CHD7: variants seen among roughly 807,000 people sequenced by gnomAD.
The protein encoded by CHD7 is chromodomain helicase DNA binding protein 7, also known as ATP-dependent chromatin remodeler CHD7.
A neutral mutation model predicts 307.3 loss-of-function variants in CHD7; 24 were observed. The ratio of observed to expected loss-of-function variants is 0.08; its 90% confidence interval spans 0.06 to 0.11. The LOEUF (loss-of-function observed/expected upper bound fraction) is 0.11, where lower values mean the gene tolerates loss of function less well. Ranked by LOEUF, CHD7 falls within the 10% of genes least tolerant of loss-of-function variation. The pLI, the probability that CHD7 is intolerant of heterozygous loss-of-function variation, is 1.00. For synonymous variants in CHD7, 1,363 were observed against 1,349.9 expected, an observed-to-expected ratio of 1.01 and a Z score of -0.21; for missense variants, 3,106 against 3,727.1, an observed-to-expected ratio of 0.83 and a Z score of 4.34.
At chr8:60,759,404 T>C (rs1586279467) in intron 2 of CHD7, among the ~76,000 whole-genome samples, 1 of 151,032 alleles carries the variant, frequency 6.6e-6, no homozygotes, top group South Asian at 2.1e-4. Flanking sequence ...TCTCTCTCTC[T>C]CCGCCTCCCT....
intron 2 of CHD7, among the ~76,000 whole-genome samples, chr8:60,749,111 G>A (rs1809493260): frequency 6.6e-6 from 1 of 151,804 alleles, no homozygotes; most frequent in East Asian, 1.9e-4. Flanking sequence ...GGTGGCTCAC[G>A]CCTGTAATCC....
At chr8:60,756,939 A>G (rs924238060) in intron 2 of CHD7, among the ~76,000 whole-genome samples, 2 of 152,212 alleles carry the variant, frequency 1.3e-5, no homozygotes, top group Admixed American at 6.5e-5. Flanking sequence ...CTTGATTTTT[A>G]AAAAGGGTCT....
At chr8:60,730,278 C>T (rs1484269367) in intron 1 of CHD7, among the ~76,000 whole-genome samples, 4 of 152,118 alleles carry the variant, frequency 2.6e-5, no homozygotes, top group Non-Finnish European at 4.4e-5. Context: ...GGGGTTGAAC[C>T]TTTGTTGAAG....
chr8:60,831,335 A>G (rs998815533), intron 15 of CHD7, among the ~76,000 whole-genome samples: 1 of 152,108 alleles, frequency 6.6e-6, no homozygotes, highest in African/African-American at 2.4e-5. Flanking sequence ...AGGGGTAGAA[A>G]GGATTTTGCG....
intron 1 of CHD7, among the ~76,000 whole-genome samples, chr8:60,737,048 T>C (rs1808748236): frequency 6.6e-6 from 1 of 152,070 alleles, no homozygotes; most frequent in Non-Finnish European, 1.5e-5. Context: ...TATATATACA[T>C]ATATTTTTCA....
intron 1 of CHD7, among the ~76,000 whole-genome samples, chr8:60,736,266 C>G (rs16926444): frequency 0.031 from 4,732 of 152,164 alleles, 163 homozygotes; most frequent in African/African-American, 0.079. Flanking sequence ...TAGATGTTCC[C>G]AAGTGGCTGT....
chr8:60,682,715 CTT>C (rs1254258073), intron 1 of CHD7, among the ~76,000 whole-genome samples: 1 of 152,208 alleles, frequency 6.6e-6, no homozygotes, highest in African/African-American at 2.4e-5. Flanking sequence ...TCACATTTGA[CTT>C]TTAAGATAAA....
At chr8:60,692,274 A>T (rs894059893) in intron 1 of CHD7, among the ~76,000 whole-genome samples, 1 of 152,222 alleles carries the variant, frequency 6.6e-6, no homozygotes, top group African/African-American at 2.4e-5. Context: ...TGGATGACTG[A>T]TTAAGCGTTT....
At chr8:60,836,440 T>G (rs1804744424) in intron 16 of CHD7, among the ~76,000 whole-genome samples, 157 bp downstream of exon 16, 1 of 152,248 alleles carries the variant, frequency 6.6e-6, no homozygotes, top group South Asian at 2.1e-4. Context: ...ACATGATGAT[T>G]ATTTTATATG....
At chr8:60,806,990 A>G (rs56946345) in intron 6 of CHD7, among the ~76,000 whole-genome samples, 2,597 of 152,248 alleles carry the variant, frequency 0.017, 69 homozygotes, top group African/African-American at 0.059. Context: ...GCACCACTCC[A>G]CTCAAGCCTG....
At chr8:60,773,917 C>T (rs1054613854) in intron 2 of CHD7, among the ~76,000 whole-genome samples, 1 of 152,190 alleles carries the variant, frequency 6.6e-6, no homozygotes, top group African/African-American at 2.4e-5. Context: ...CGGAACTAAA[C>T]TAGAGTTCTT....
intron 30 of CHD7, 21 bp downstream of exon 30, chr8:60,852,727 A>G: frequency 6.2e-7 from 1 of 1,612,878 alleles, no homozygotes; most frequent in Admixed American, 1.7e-5. Flanking sequence ...TTAGCAACAA[A>G]GTTCTATACA....
At chr8:60,819,349 G>T (rs1439393634) in intron 8 of CHD7, among the ~76,000 whole-genome samples, 5 of 152,000 alleles carry the variant, frequency 3.3e-5, no homozygotes, top group African/African-American at 4.8e-5. Flanking sequence ...TTAATATATT[G>T]GTTAAATGAG....
In CHD7 at chr8:60,725,326, G is replaced by A. The variant is rs180915455; in HGVS notation, c.-174-15933G>A. On this transcript the variant is annotated intron_variant, in intron 1 of 37. Coordinates refer to ENST00000423902, the MANE Select transcript of CHD7 (RefSeq NM_017780.4). Reference sequence around the variant, plus strand: ...CAAGGATGAAGATGAAATTTCTTGTGGTTTCTTCATGAGAGATCTCTTCTA... The same window carrying A: ...CAAGGATGAAGATGAAATTTCTTGTAGTTTCTTCATGAGAGATCTCTTCTA... 3.1e-4 allele frequency among the ~76,000 whole-genome samples: 47 copies of A among 152,318 alleles called. 1 individual carries two copies. The East Asian group carries it at 8.3e-3, about 27-fold the overall frequency.
chr8:60,718,669 T>C (rs1333620923), intron 1 of CHD7, among the ~76,000 whole-genome samples: 1 of 152,200 alleles, frequency 6.6e-6, no homozygotes, highest in Non-Finnish European at 1.5e-5. Flanking sequence ...AGTAAACAGA[T>C]AAATTTATTG....
Position 60,865,706 on chromosome 8 carries a change from G to C in CHD7, c.8767G>C (p.Ala2923Pro). 2 of 1,607,564 alleles carry C rather than the reference G, an allele frequency of 1.2e-6. No individual in the cohort carries two copies. The highest frequency in any genetic ancestry group is 1.7e-6 in the Non-Finnish European group (2 of 1,175,584). ...GGGATTGACGCTGCCTGGGTTCCCA[G>C]CATTGGCAGGACTTCAGAATGCCGT... ...LGGLTLPGFPALAGLQNAVGS... is the reference protein window; with the variant it reads ...LGGLTLPGFPPLAGLQNAVGS... Residue 2923 changes from alanine to proline, a missense_variant, in exon 38 of 38, where the codon GCA (alanine) becomes CCA (proline). Transcript: ENST00000423902. This position sits in a 1 kb window ranked among gnomAD's most constrained non-coding sequence, Gnocchi z 4.3.
At chr8:60,796,880 G>T (rs1366072215) in intron 4 of CHD7, among the ~76,000 whole-genome samples, 1 of 152,134 alleles carries the variant, frequency 6.6e-6, no homozygotes. Context: ...TGAGTTTTGT[G>T]ATTGATTTAC....
At chr8:60,728,529 C>G (rs939415048) in intron 1 of CHD7, among the ~76,000 whole-genome samples, 2 of 152,106 alleles carry the variant, frequency 1.3e-5, no homozygotes, top group African/African-American at 4.8e-5. Context: ...AAGGCAAGGT[C>G]TTTCTTTCTT....
intron 15 of CHD7, among the ~76,000 whole-genome samples, chr8:60,833,499 A>T (rs1804614026): frequency 6.6e-6 from 1 of 152,246 alleles, no homozygotes; most frequent in Admixed American, 6.5e-5. Flanking sequence ...AATTTCAGAG[A>T]GAAAATAGTA....
Sources: allele counts gnomAD v4.1 joint callset (sites outside exome capture counted in the v4.1 genomes callset), GRCh38; gene constraint gnomAD v4.1.1; non-coding constraint Gnocchi (gnomAD v3.1); transcripts MANE v1.5; gene names NCBI Gene and HGNC (gene_info 2026-07-23, HGNC 2026-07-21).